The following ROPN1 variants were observed in gnomAD, a reference collection of about 807,000 sequenced individuals.
The protein encoded by ROPN1 is rhophilin associated tail protein 1.
ROPN1 carries 14 observed loss-of-function variants against 20.5 expected under a neutral mutation model. The observed-to-expected ratio is 0.68, with a 90% CI of 0.45 to 1.07. The LOEUF is 1.07. Ranked by LOEUF, ROPN1 falls within the 50% of genes least tolerant of loss-of-function variation. The pLI, the probability that ROPN1 is intolerant of heterozygous loss-of-function variation, is 0.00. For synonymous variants in ROPN1, 76 were observed against 95.7 expected (o/e 0.79, Z 1.20); for missense variants, 169 against 242.8 (o/e 0.70, Z 2.02).
intron 1 of ROPN1, among the ~76,000 whole-genome samples, chr3:123,983,869 A>G (rs7621877): frequency 0.88 from 134,556 of 152,228 alleles, 59,554 homozygotes; most frequent in East Asian, 1. Context: ...TTTCACAGAT[A>G]ATGAAACTAG....
At chr3:123,986,115 C>G (rs886766620) in intron 1 of ROPN1, among the ~76,000 whole-genome samples, 6 of 149,942 alleles carry the variant, frequency 4.0e-5, no homozygotes, top group African/African-American at 1.5e-4. Context: ...CCAAAATTCC[C>G]CCTTTACTTA....
At chr3:123,980,668 T>C in intron 1 of ROPN1, 175 bp from the exon 2 acceptor site, 3 of 521,236 alleles carry the variant, frequency 5.8e-6, no homozygotes, top group Non-Finnish European at 1.0e-5. Context: ...TGCTAACCCC[T>C]ACTTTTTGTT....
chr3:123,975,962 G>A (rs551389323), intron 3 of ROPN1, among the ~76,000 whole-genome samples: 5 of 152,252 alleles, frequency 3.3e-5, no homozygotes, highest in East Asian at 3.9e-4. Context: ...GTTTCTTCCC[G>A]ATTGCACTGA....
chr3:123,971,982 C>T (rs1344622745), intron 4 of ROPN1, among the ~76,000 whole-genome samples: 1 of 152,144 alleles, frequency 6.6e-6, no homozygotes, highest in African/African-American at 2.4e-5. Flanking sequence ...GAGAGAGCCA[C>T]CAGACATGTA....
At position 123,988,450 on chromosome 3, in the gene ROPN1, A is replaced by G. The variant is rs143403701; in HGVS notation, c.-13+3472T>C. ...TGTGAGTCAGAGATTTAAAACCTAC[A>G]AGCAAGGGCTCTGAGGGGGTGAATG... is the stretch of plus-strand genomic sequence containing the variant. On this transcript the variant is annotated intron_variant, in intron 1 of 5. Transcript: ENST00000405845. Among the ~76,000 whole-genome samples the G allele has an allele frequency of 4.6e-4, 70 of 152,306 alleles. No individual in the cohort carries two copies. In the East Asian group the frequency reaches 8.1e-3, roughly 18 times the overall value.
intron 1 of ROPN1, among the ~76,000 whole-genome samples, chr3:123,988,689 G>A (rs1489443323): frequency 5.3e-5 from 8 of 152,004 alleles, no homozygotes; most frequent in Admixed American, 5.2e-4. Flanking sequence ...TTTTGGCCCT[G>A]GGTCTATTTA....
At chr3:123,986,846 G>T (rs532936226) in intron 1 of ROPN1, among the ~76,000 whole-genome samples, 7 of 152,226 alleles carry the variant, frequency 4.6e-5, no homozygotes, top group Non-Finnish European at 1.0e-4. Flanking sequence ...CACTGATCAG[G>T]CATGGTCCAC....
intron 1 of ROPN1, chr3:123,981,568 A>G (rs971609713): frequency 6.5e-6 from 1 of 153,840 alleles, no homozygotes; most frequent in Non-Finnish European, 1.5e-5. Context: ...ATATCCGCCT[A>G]CAGGCAGGGG....
At chr3:123,979,667 C>A (rs2038096225) in intron 2 of ROPN1, 1 of 386,034 alleles carries the variant, frequency 2.6e-6, no homozygotes, top group Admixed American at 3.2e-5. Context: ...GTGTTTGAGG[C>A]ACACTGTTTT....
chr3:123,988,282 A>G (rs1414097396), intron 1 of ROPN1, among the ~76,000 whole-genome samples: 2 of 152,094 alleles, frequency 1.3e-5, no homozygotes, highest in East Asian at 1.9e-4. Context: ...AATAGCTGGG[A>G]CTACAGGTGT....
intron 4 of ROPN1, among the ~76,000 whole-genome samples, chr3:123,972,161 C>T (rs762582031): frequency 5.3e-5 from 8 of 152,184 alleles, no homozygotes; most frequent in East Asian, 1.9e-4. Context: ...ACTAACATAG[C>T]GGCTTTCAAC....
At chr3:123,971,094 G>C (rs1476144437) in intron 4 of ROPN1, among the ~76,000 whole-genome samples, 2 of 152,170 alleles carry the variant, frequency 1.3e-5, no homozygotes, top group African/African-American at 4.8e-5. Flanking sequence ...GATCAGTTCT[G>C]AGTGGTGACT....
At position 123,976,934 on chromosome 3, in the gene ROPN1, C is replaced by A. The variant is rs149212157; in HGVS notation, c.164G>T (p.Arg55Leu). 4.3e-6 allele frequency: 7 copies of A among 1,613,982 alleles called. No individual in the cohort carries two copies. In the African/African-American group the frequency reaches 9.3e-5, roughly 22 times the overall value. The change falls in exon 3 of 6, where the codon CGG becomes CTG. Residue 55 changes from arginine to leucine, a missense_variant. Arg to Leu is a moderately radical substitution (Grantham distance 102, BLOSUM62 -2). Around this residue, in one of 3 missense-constraint regions of ROPN1, gnomAD observed 84 missense variants for 99.3 expected, o/e 0.85. Transcript: ENST00000405845. ...GTTACACAAAGCGACTCGCTCAGAC[C>A]GCTCTCTCACCGGAGGCGTCTCTCC... ...SRGETPPVRE[R>L]SERVALCNRA...
At chr3:123,974,577 G>A (rs2037980276) in intron 4 of ROPN1, 1 of 152,254 alleles carries the variant, frequency 6.6e-6, no homozygotes. Context: ...TAGATATGCT[G>A]AATGATTCAG....
intron 4 of ROPN1, among the ~76,000 whole-genome samples, chr3:123,973,689 C>T (rs2037958216): frequency 6.6e-6 from 1 of 152,100 alleles, no homozygotes; most frequent in Non-Finnish European, 1.5e-5. Flanking sequence ...CTCAGACACA[C>T]CACACACTGG....
chr3:123,990,405 G>A (rs1215898698), intron 1 of ROPN1, among the ~76,000 whole-genome samples: 8 of 152,158 alleles, frequency 5.3e-5, no homozygotes, highest in Admixed American at 5.2e-4. Context: ...GGTGCACAGT[G>A]GTGGTACCCT....
rs574350411 is a variant in ROPN1, at chr3:123,970,706, G to T, written c.397-489C>A. On this transcript the variant is annotated intron_variant, in intron 4 of 5. Transcript: ENST00000405845. ...TTTCCCCAGGAAAATGGAGTCCCAGGAAGATACTGGAAAAATGTTCTTAAA... is the reference window on the plus strand; with the variant it reads ...TTTCCCCAGGAAAATGGAGTCCCAGTAAGATACTGGAAAAATGTTCTTAAA... Among the ~76,000 whole-genome samples the T allele has an allele frequency of 5.9e-5, 9 of 152,266 alleles. No homozygotes were observed. The East Asian group carries it at 1.7e-3, about 29-fold the overall frequency.
chr3:123,988,014 T>G (rs1373384701), intron 1 of ROPN1, among the ~76,000 whole-genome samples: 1 of 152,212 alleles, frequency 6.6e-6, no homozygotes, highest in Admixed American at 6.5e-5. Flanking sequence ...TTGTGCAACA[T>G]GGTTCCCTGA....
chr3:123,972,896 A>T (rs1223340923), intron 4 of ROPN1, among the ~76,000 whole-genome samples: 1 of 152,242 alleles, frequency 6.6e-6, no homozygotes, highest in African/African-American at 2.4e-5. Flanking sequence ...TAATTTATAA[A>T]CAACAGAAAT....
Sources: allele counts gnomAD v4.1 joint callset (sites outside exome capture counted in the v4.1 genomes callset), GRCh38; gene constraint gnomAD v4.1.1; regional missense constraint gnomAD v4.1.1; transcripts MANE v1.5; gene names NCBI Gene and HGNC (gene_info 2026-07-23, HGNC 2026-07-21).